The following GRM8 variants were observed in gnomAD, a reference collection of about 807,000 sequenced individuals.
GRM8 encodes glutamate metabotropic receptor 8, also known as metabotropic glutamate receptor 8.
Under a neutral mutation model 87.2 loss-of-function variants are expected in GRM8, and 47 were observed. That is an observed-to-expected ratio of 0.54 (90% CI 0.43 to 0.69). The LOEUF (loss-of-function observed/expected upper bound fraction) is 0.69, where lower values mean the gene tolerates loss of function less well. Ranked by LOEUF, GRM8 falls within the 30% of genes least tolerant of loss-of-function variation. The probability of loss-of-function intolerance (pLI) is 0.00; values close to 1 mark genes in which losing one functional copy is unlikely to be tolerated. For synonymous variants in GRM8, 396 were observed against 404.5 expected, an observed-to-expected ratio of 0.98 and a Z score of 0.25; for missense variants, 1,019 against 1,139.2, an observed-to-expected ratio of 0.89 and a Z score of 1.52.
chr7:126,670,748 G>A (rs1407962376), intron 7 of GRM8, among the ~76,000 whole-genome samples: 3 of 152,194 alleles, frequency 2.0e-5, no homozygotes, highest in Non-Finnish European at 1.5e-5. Flanking sequence ...ACTGAACTCA[G>A]GAAGCTAAAG....
At chr7:127,077,944 A>T (rs1185320325) in intron 3 of GRM8, among the ~76,000 whole-genome samples, 1 of 152,204 alleles carries the variant, frequency 6.6e-6, no homozygotes, top group Non-Finnish European at 1.5e-5. Flanking sequence ...GGAACTTGAC[A>T]TGTAGTAGGT....
rs143575365 is a variant in GRM8 at position 126,609,470 on chromosome 7, A to G, written c.1386T>C (p.Asn462=). The stretch of plus-strand genomic sequence containing the variant: ...AACGTCCAGGAGCATCTCCGTTTTC[A>G]TTAAAAGTGACAGGAGTGCCAGCAC... ...NGSAGTPVTF[N]ENGDAPGRYD... Residue 462 remains asparagine (N), a synonymous_variant, in exon 8 of 11, where the codon AAT becomes AAC. Transcript: ENST00000339582. 521 of 1,612,778 alleles carry G rather than the reference A, an allele frequency of 3.2e-4. No individual in the cohort carries two copies. Among genetic ancestry groups the G allele is most frequent in the Non-Finnish European group, 4.3e-4 (511 of 1,178,896 alleles).
chr7:127,025,255 T>C (rs576719741), intron 3 of GRM8, among the ~76,000 whole-genome samples: 5 of 152,038 alleles, frequency 3.3e-5, no homozygotes, highest in South Asian at 4.1e-4. Flanking sequence ...GAGAGTGGAG[T>C]GAAATCCCCT....
rs113944435 is a variant in GRM8 at position 126,517,824 on chromosome 7, A to C, written c.2430+15128T>G. 7.4e-3 allele frequency among the ~76,000 whole-genome samples: 1,132 copies of C among 152,206 alleles called. 16 individuals carry two copies. The highest frequency in any genetic ancestry group is 0.026 in the African/African-American group (1,088 of 41,574). ...TCTAAGGGAAATAATTATTTTAGAT[A>C]GATTGCCCCATAGGATTTTCAACCA... On this transcript the variant is annotated intron_variant, in intron 9 of 10. Transcript: ENST00000339582.
At chr7:126,738,477 G>C (rs557532270) in intron 7 of GRM8, among the ~76,000 whole-genome samples, 32 of 152,180 alleles carry the variant, frequency 2.1e-4, no homozygotes, top group Middle Eastern at 3.4e-3. Context: ...TGGAAGACCA[G>C]GTTGGATGCT....
At chr7:126,866,189 TC>T (rs1476685269) in intron 6 of GRM8, among the ~76,000 whole-genome samples, 2 of 152,348 alleles carry the variant, frequency 1.3e-5, no homozygotes, top group African/African-American at 4.8e-5. Context: ...GTGTTGAGCA[TC>T]TTTTCAGGTC....
At position 126,652,137 on chromosome 7, in the gene GRM8, A is replaced by G. The variant is rs191996908; in HGVS notation, c.1358-42639T>C. Among the ~76,000 whole-genome samples, 5 of 152,294 alleles carry G rather than the reference A, an allele frequency of 3.3e-5. No homozygotes were observed. In the East Asian group the frequency reaches 5.8e-4, roughly 18 times the overall value. Reference sequence around the variant, plus strand: ...ACACCTGTACTAAGGAAATATGTTCATTTTATTTCCTTTTTCTTTTAACAT... The same window carrying G: ...ACACCTGTACTAAGGAAATATGTTCGTTTTATTTCCTTTTTCTTTTAACAT... On this transcript the variant is annotated intron_variant, in intron 7 of 10. Coordinates refer to ENST00000339582, the MANE Select transcript of GRM8 (RefSeq NM_000845.3).
Position 127,005,668 on chromosome 7 carries a change from T to G in GRM8, c.727+100828A>C, listed in dbSNP as rs113126354. On this transcript the variant is annotated intron_variant, in intron 3 of 10. Transcript: ENST00000339582. ...TAGCAACTAGTTCACTGTATACCTC[T>G]CCACGACTACTCCATGCACTAGCTT... Among the ~76,000 whole-genome samples the G allele has an allele frequency of 6.9e-3, 1,042 of 151,936 alleles. 9 individuals carry two copies. The highest frequency in any genetic ancestry group is 0.023 in the African/African-American group (953 of 41,496).
intron 8 of GRM8, among the ~76,000 whole-genome samples, chr7:126,538,423 A>G (rs1279292289): frequency 3.3e-5 from 5 of 152,150 alleles, no homozygotes; most frequent in Non-Finnish European, 5.9e-5. Flanking sequence ...ATTATAATTA[A>G]TAATTTTCAG....
chr7:126,600,132 T>C (rs1031140286), intron 8 of GRM8, among the ~76,000 whole-genome samples: 1 of 152,164 alleles, frequency 6.6e-6, no homozygotes, highest in Admixed American at 6.6e-5. Context: ...TTCAAACCAC[T>C]GAATTCAAAT....
chr7:126,869,806 T>TA (rs1798923957), intron 6 of GRM8: 1 of 152,090 alleles, frequency 6.6e-6, no homozygotes, highest in Non-Finnish European at 1.5e-5. Flanking sequence ...TTAAGGGCCC[T>TA]ATGATTTTCA....
chr7:126,995,144 C>T (rs1205315460), intron 3 of GRM8, among the ~76,000 whole-genome samples: 1 of 152,176 alleles, frequency 6.6e-6, no homozygotes, highest in Non-Finnish European at 1.5e-5. Flanking sequence ...CTAAGACCAC[C>T]TAGGTGGTAT....
rs57462316 is a variant in GRM8 at position 126,442,876 on chromosome 7, T to G, written c.2677+3250A>C. ...GAAAAGGAAGTGTAAGGTTCTGGAA[T>G]CAGATGATTTAGTCAACATGAAAGC... On this transcript the variant is annotated intron_variant, in intron 10 of 10. Transcript: ENST00000339582. Among the ~76,000 whole-genome samples the G allele has an allele frequency of 4.3e-3, 653 of 152,170 alleles. 6 individuals are homozygous for G. The highest frequency in any genetic ancestry group is 0.015 in the African/African-American group (623 of 41,566).
chr7:126,960,987 G>C (rs1809260914), intron 3 of GRM8, among the ~76,000 whole-genome samples: 1 of 152,074 alleles, frequency 6.6e-6, no homozygotes, highest in Non-Finnish European at 1.5e-5. Context: ...GTGATGCCCA[G>C]AACTGGAGTC....
At chr7:126,702,222 TA>T (rs1229391887) in intron 7 of GRM8, among the ~76,000 whole-genome samples, 1 of 152,026 alleles carries the variant, frequency 6.6e-6, no homozygotes, top group African/African-American at 2.4e-5. Context: ...AAAAACAAAT[TA>T]AAAAGGATAG....
At position 127,165,141 on chromosome 7, in the gene GRM8, GATATATATATATATATATATATAT is replaced by G. The variant is rs3993578; in HGVS notation, c.511-58453_511-58430del. Among the ~76,000 whole-genome samples the G allele has an allele frequency of 3.2e-3, 219 of 67,436 alleles. 6 individuals are homozygous for G. Among genetic ancestry groups the G allele is most frequent in the East Asian group, 9.6e-3 (13 of 1,356 alleles). 44.2% of individuals were successfully genotyped at this position (67,436 alleles called of 152,430 possible). ...GAGGCAGATAATAAACATGTAAACAGATATATATATATATATATATATATATATATATATATATATATATATATA... is the reference window on the plus strand; with the variant it reads ...GAGGCAGATAATAAACATGTAAACAGATATATATATATATATATATATATA... On this transcript the variant is annotated intron_variant, in intron 2 of 10. Transcript: ENST00000339582.
intron 3 of GRM8, among the ~76,000 whole-genome samples, chr7:126,963,404 A>G (rs970696723): frequency 3.3e-5 from 5 of 152,200 alleles, no homozygotes; most frequent in African/African-American, 1.2e-4. Context: ...AAGAGATGAC[A>G]TGATTATATA....
rs749267694 is a variant in GRM8 at position 126,647,338 on chromosome 7, GATAGATAT to G, written c.1358-37848_1358-37841del. 2.6e-4 allele frequency among the ~76,000 whole-genome samples: 14 copies of G among 53,406 alleles called. No individual in the cohort carries two copies. In the East Asian group the frequency reaches 8.7e-3, roughly 33 times the overall value. The allele number at this position is 53,406 out of a possible 152,430, so 35.0% of individuals were successfully genotyped here. A position where few individuals can be genotyped will look rare whatever the true frequency, so the allele number is the denominator to read the frequency against. On this transcript the variant is annotated intron_variant, in intron 7 of 10. Transcript: ENST00000339582. The stretch of plus-strand genomic sequence containing the variant: ...AGATAGATAGATAGATAGATAGATA[GATAGATAT>G]AGATATAGATAGATATAAATAGATA...
At chr7:126,665,803 T>G (rs1390211277) in intron 7 of GRM8, among the ~76,000 whole-genome samples, 1 of 151,986 alleles carries the variant, frequency 6.6e-6, no homozygotes, top group African/African-American at 2.4e-5. Context: ...TATCTTTATT[T>G]GAATGACAAA....
Sources: gnomAD v4.1 joint callset for allele counts (sites outside exome capture counted in the v4.1 genomes callset) on GRCh38, gnomAD v4.1.1 for gene constraint, MANE v1.5 for transcripts, NCBI Gene and HGNC (gene_info 2026-07-23, HGNC 2026-07-21) for gene names.